CTNND2: variants seen among roughly 807,000 people sequenced by gnomAD.
The protein encoded by CTNND2 is catenin delta 2, also known as catenin delta-2.
Under a neutral mutation model 144.4 loss-of-function variants are expected in CTNND2, and 22 were observed. The ratio of observed to expected loss-of-function variants is 0.15; its 90% CI spans 0.11 to 0.22. The LOEUF (loss-of-function observed/expected upper bound fraction) is 0.22, where lower values mean the gene tolerates loss of function less well. Ranked by LOEUF, CTNND2 falls within the 10% of genes least tolerant of loss-of-function variation. The pLI, the probability that CTNND2 is intolerant of heterozygous loss-of-function variation, is 1.00. For missense variants in CTNND2, 1,353 were observed against 1,618.8 expected, an observed-to-expected ratio of 0.84 and a Z score of 2.82; for synonymous variants, 751 against 695.6, an observed-to-expected ratio of 1.08 and a Z score of -1.25.
chr5:11,615,760 T>A (rs7719452), intron 2 of CTNND2, among the ~76,000 whole-genome samples: 52,760 of 152,098 alleles, frequency 0.35, 10,302 homozygotes, highest in Middle Eastern at 0.6. Context: ...GAGCTATGCA[T>A]GTGATAAGAC....
intron 9 of CTNND2, among the ~76,000 whole-genome samples, chr5:11,329,015 G>C (rs1440165593): frequency 6.6e-6 from 1 of 152,142 alleles, no homozygotes; most frequent in African/African-American, 2.4e-5. Context: ...TCTTTCCTTG[G>C]CTTGTAGATG....
At chr5:11,607,804 A>C (rs1286745253) in intron 2 of CTNND2, among the ~76,000 whole-genome samples, 1 of 152,202 alleles carries the variant, frequency 6.6e-6, no homozygotes, top group Admixed American at 6.5e-5. Flanking sequence ...CACGGCAGGT[A>C]TCAAACCACA....
At chr5:11,465,529 C>G (rs1766591906) in intron 3 of CTNND2, among the ~76,000 whole-genome samples, 1 of 152,222 alleles carries the variant, frequency 6.6e-6, no homozygotes, top group Middle Eastern at 3.2e-3. Flanking sequence ...AGTGACACAG[C>G]TTTCCTGTCA....
chr5:11,898,303 A>G (rs1010441526), intron 1 of CTNND2, among the ~76,000 whole-genome samples: 7 of 152,248 alleles, frequency 4.6e-5, no homozygotes, highest in African/African-American at 1.7e-4. Flanking sequence ...TTCTTAAAGT[A>G]ACTATATACC....
chr5:11,750,133 C>T (rs540184982), intron 1 of CTNND2, among the ~76,000 whole-genome samples: 95 of 152,030 alleles, frequency 6.2e-4, no homozygotes, highest in African/African-American at 2.2e-3. Context: ...GTTAATTTTA[C>T]CTTGATAGAT....
intron 1 of CTNND2, among the ~76,000 whole-genome samples, chr5:11,778,870 T>A (rs1408860167): frequency 6.6e-6 from 1 of 152,248 alleles, no homozygotes; most frequent in Non-Finnish European, 1.5e-5. Context: ...GTGAGTCATA[T>A]GGGAATTCTC....
intron 11 of CTNND2, among the ~76,000 whole-genome samples, chr5:11,173,531 A>C (rs916043410): frequency 2.0e-5 from 3 of 152,172 alleles, no homozygotes; most frequent in African/African-American, 7.2e-5. Flanking sequence ...ACTTTCTAAA[A>C]AGGACCTCAG....
intron 2 of CTNND2, among the ~76,000 whole-genome samples, chr5:11,652,384 CT>C (rs1782689643): frequency 6.6e-6 from 1 of 152,084 alleles, no homozygotes; most frequent in South Asian, 2.1e-4. Flanking sequence ...AATTAAACCT[CT>C]TTTTGTTATA....
At chr5:11,302,892 C>G (rs1009115508) in intron 9 of CTNND2, among the ~76,000 whole-genome samples, 7 of 152,118 alleles carry the variant, frequency 4.6e-5, no homozygotes, top group Non-Finnish European at 8.8e-5. Context: ...TTTCAGATAC[C>G]CTTTCTCCTC....
chr5:11,562,683 T>C (rs1366336223), intron 3 of CTNND2, among the ~76,000 whole-genome samples: 1 of 152,246 alleles, frequency 6.6e-6, no homozygotes, highest in Non-Finnish European at 1.5e-5. Flanking sequence ...AAGCTAGACA[T>C]ACAAGACACA....
intron 7 of CTNND2, among the ~76,000 whole-genome samples, chr5:11,381,818 T>A (rs1758511103): frequency 6.6e-6 from 1 of 151,668 alleles, no homozygotes; most frequent in Non-Finnish European, 1.5e-5. Context: ...ATACAAAAAA[T>A]TAGCCAGGCG....
chr5:11,500,022 G>C (rs1241753960), intron 3 of CTNND2, among the ~76,000 whole-genome samples: 1 of 152,092 alleles, frequency 6.6e-6, no homozygotes, highest in Non-Finnish European at 1.5e-5. Context: ...TAAAAAGGGA[G>C]TGAGGGCCTG....
intron 3 of CTNND2, among the ~76,000 whole-genome samples, chr5:11,451,167 T>C (rs916616474): frequency 2.0e-5 from 3 of 152,056 alleles, no homozygotes; most frequent in African/African-American, 7.2e-5. Flanking sequence ...CCAGAGACAC[T>C]GTTTTTCATG....
intron 1 of CTNND2, among the ~76,000 whole-genome samples, chr5:11,787,439 C>T (rs1790893158): frequency 6.6e-6 from 1 of 152,178 alleles, no homozygotes; most frequent in Non-Finnish European, 1.5e-5. Flanking sequence ...ATCATTTACA[C>T]GCCAACATAT....
At chr5:11,500,380 A>C (rs947162013) in intron 3 of CTNND2, among the ~76,000 whole-genome samples, 3 of 152,208 alleles carry the variant, frequency 2.0e-5, no homozygotes, top group Admixed American at 6.5e-5. Flanking sequence ...TCCCTTTCAG[A>C]ATTGAGGTAA....
At chr5:11,037,573 C>T (rs1744218346) in intron 16 of CTNND2, among the ~76,000 whole-genome samples, 1 of 152,122 alleles carries the variant, frequency 6.6e-6, no homozygotes, top group Non-Finnish European at 1.5e-5. Context: ...GCCTACTAAT[C>T]CAAGATCAAC....
At chr5:11,076,664 C>T (rs1486193352) in intron 16 of CTNND2, among the ~76,000 whole-genome samples, 1 of 152,154 alleles carries the variant, frequency 6.6e-6, no homozygotes, top group Admixed American at 6.5e-5. Context: ...ATGGAAACAA[C>T]CCAAATGGAA....
At position 10,991,860 on chromosome 5, in the gene CTNND2, T is replaced by A. The variant is rs1489507330; in HGVS notation, c.3211+691A>T. ...CACTGAAGGAAGAAAGCACATTTGG[T>A]CTCCTCAACTTTTTATCCCAATTAT... On this transcript the variant is annotated intron_variant, in intron 19 of 21. Coordinates refer to ENST00000304623, the MANE Select transcript of CTNND2 (RefSeq NM_001332.4). Among the ~76,000 whole-genome samples the A allele has an allele frequency of 2.0e-5, 3 of 152,220 alleles. No homozygotes were observed. In the South Asian group the frequency reaches 6.2e-4, roughly 31 times the overall value.
intron 8 of CTNND2, among the ~76,000 whole-genome samples, chr5:11,350,691 A>C (rs1023239112): frequency 5.9e-5 from 9 of 152,204 alleles, no homozygotes; most frequent in Admixed American, 3.3e-4. Context: ...AATGCAATGA[A>C]AATAATGTAA....
Sources: gnomAD v4.1 joint callset for allele counts (sites outside exome capture counted in the v4.1 genomes callset) on GRCh38, gnomAD v4.1.1 for gene constraint, MANE v1.5 for transcripts, NCBI Gene and HGNC (gene_info 2026-07-23, HGNC 2026-07-21) for gene names.